The following POU2F1 variants were observed in gnomAD, a reference collection of about 807,000 sequenced individuals.
POU2F1 encodes POU domain, class 2, transcription factor 1.
Under a neutral mutation model 84.9 loss-of-function variants are expected in POU2F1, and 16 were observed. The observed-to-expected ratio is 0.19, with a 90% CI of 0.13 to 0.29. The LOEUF is 0.29. Ranked by LOEUF, POU2F1 falls within the 10% of genes least tolerant of loss-of-function variation. The probability of loss-of-function intolerance (pLI) is 1.00; values close to 1 mark genes in which losing one functional copy is unlikely to be tolerated. For synonymous variants in POU2F1, 368 were observed against 368.3 expected, an observed-to-expected ratio of 1.00 and a Z score of 0.01; for missense variants, 738 against 942.6, an observed-to-expected ratio of 0.78 and a Z score of 2.84.
rs570465581 is a variant in POU2F1, at chr1:167,372,121, T to C, written c.402+85T>C. 11 of 1,494,568 alleles carry C rather than the reference T, an allele frequency of 7.4e-6. No individual in the cohort carries two copies. In the South Asian group the frequency reaches 9.2e-5, roughly 12 times the overall value. 92.6% of individuals were successfully genotyped at this position (1,494,568 alleles called of 1,614,324 possible). On this transcript the variant is annotated intron_variant, in intron 5 of 15. Coordinates refer to ENST00000367866, the MANE Select transcript of POU2F1 (RefSeq NM_002697.4). The stretch of plus-strand genomic sequence containing the variant: ...AATAGCTGATTAGAATTGTTCACCA[T>C]AGCTGGTAGTAACATGGCTATGCCT...
intron 1 of POU2F1, among the ~76,000 whole-genome samples, chr1:167,328,455 C>T (rs1234584407): frequency 6.6e-6 from 1 of 152,146 alleles, no homozygotes; most frequent in Non-Finnish European, 1.5e-5. Flanking sequence ...TCTGCTTCTA[C>T]CTTGCTAATT....
At position 167,423,891 on chromosome 1, in the gene POU2F1, T is replaced by C. The variant is rs4233416; in HGVS notation, c.*8081T>C. 60,817 of 152,152 alleles carry C rather than the reference T, an allele frequency of 0.4. 14,919 individuals carry two copies. The highest frequency in any genetic ancestry group is 0.71 in the East Asian group (3,657 of 5,164). 9.4% of individuals were successfully genotyped at this position (152,152 alleles called of 1,614,324 possible). A position where few individuals can be genotyped will look rare whatever the true frequency, so the allele number is the denominator to read the frequency against. Reference sequence around the variant, plus strand: ...GCAGGCAGACAGCTGGATACAGCGCTGTGTATAAATGAGACGTCCAAACAC... The same window carrying C: ...GCAGGCAGACAGCTGGATACAGCGCCGTGTATAAATGAGACGTCCAAACAC... On this transcript the variant is annotated 3_prime_UTR_variant, in exon 16 of 16. Coordinates refer to ENST00000367866, the MANE Select transcript of POU2F1 (RefSeq NM_002697.4).
intron 2 of POU2F1, among the ~76,000 whole-genome samples, chr1:167,352,696 T>C (rs1658660540): frequency 6.6e-6 from 1 of 152,260 alleles, no homozygotes; most frequent in African/African-American, 2.4e-5. Flanking sequence ...AGCTTTACCA[T>C]TTCCAAAATA....
chr1:167,243,683 C>T (rs979796456), intron 1 of POU2F1, among the ~76,000 whole-genome samples: 8 of 152,122 alleles, frequency 5.3e-5, no homozygotes, highest in Admixed American at 2.6e-4. Flanking sequence ...GCCATGTTGG[C>T]TAGGCTGGTC....
At position 167,358,366 on chromosome 1, in the gene POU2F1, C is replaced by T. The variant is rs116255314; in HGVS notation, c.128-7101C>T. Among the ~76,000 whole-genome samples, 1,513 of 151,864 alleles carry T rather than the reference C, an allele frequency of 1.0e-2. 11 individuals carry two copies. Among genetic ancestry groups the T allele is most frequent in the Non-Finnish European group, 0.015 (996 of 67,964 alleles). On this transcript the variant is annotated intron_variant, in intron 2 of 15. Transcript: ENST00000367866. The stretch of plus-strand genomic sequence containing the variant: ...AACTGGCTTGTATTTATATTTTTCA[C>T]ACTTTATCAGGTTATGGTATCGAGG...
chr1:167,380,709 C>A (rs1241614045), intron 7 of POU2F1: 1 of 152,228 alleles, frequency 6.6e-6, no homozygotes, highest in Non-Finnish European at 1.5e-5. Context: ...ATGTTTCCAG[C>A]ATGAGATTAG....
chr1:167,355,942 A>G (rs1415706271), intron 2 of POU2F1, among the ~76,000 whole-genome samples: 1 of 151,920 alleles, frequency 6.6e-6, no homozygotes, highest in African/African-American at 2.4e-5. Context: ...TACAAAGACA[A>G]TTTTATTATT....
intron 2 of POU2F1, among the ~76,000 whole-genome samples, chr1:167,350,914 C>T (rs535191207): frequency 3.3e-5 from 5 of 152,086 alleles, no homozygotes; most frequent in African/African-American, 1.2e-4. Context: ...AGGAGAATCG[C>T]TTGAACCCGG....
At chr1:167,263,507 A>G (rs960052361) in intron 1 of POU2F1, among the ~76,000 whole-genome samples, 35 of 151,840 alleles carry the variant, frequency 2.3e-4, no homozygotes, top group African/African-American at 8.5e-4. Flanking sequence ...ACAAGAGCGA[A>G]ACTCCGACTC....
At chr1:167,370,128 T>G (rs1243679241) in intron 3 of POU2F1, 33 bp from the exon 4 acceptor site, 2 of 1,578,736 alleles carry the variant, frequency 1.3e-6, no homozygotes, top group South Asian at 2.3e-5. Flanking sequence ...ATGTCAACAG[T>G]ATTAAACTAG....
chr1:167,338,018 A>G lies in POU2F1; in HGVS notation c.127+5483A>G, dbSNP rs1439862940. ...CACTGAAACTAAAGCACATGGTGGA[A>G]GAAGGATTGGTAGCATATAGAAACA... On this transcript the variant is annotated intron_variant, in intron 2 of 15. Coordinates refer to ENST00000367866, the MANE Select transcript of POU2F1 (RefSeq NM_002697.4). 3.7e-5 allele frequency: 15 copies of G among 402,910 alleles called. No individual in the cohort carries two copies. In the East Asian group the frequency reaches 8.4e-4, roughly 23 times the overall value. 25.0% of individuals were successfully genotyped at this position (402,910 alleles called of 1,614,324 possible). A position where few individuals can be genotyped will look rare whatever the true frequency, so the allele number is the denominator to read the frequency against.
intron 2 of POU2F1, among the ~76,000 whole-genome samples, chr1:167,336,984 G>A (rs1657504987): frequency 6.6e-6 from 1 of 152,056 alleles, no homozygotes; most frequent in Non-Finnish European, 1.5e-5. Context: ...TGACCAACAT[G>A]GTGAAACCCC....
intron 2 of POU2F1, among the ~76,000 whole-genome samples, chr1:167,358,302 A>G (rs1377811146): frequency 1.3e-5 from 2 of 151,616 alleles, no homozygotes; most frequent in South Asian, 4.2e-4. Flanking sequence ...TAGGTTTGCT[A>G]TTATTATTTA....
chr1:167,288,602 G>A (rs1019488323), intron 1 of POU2F1, among the ~76,000 whole-genome samples: 2 of 152,116 alleles, frequency 1.3e-5, no homozygotes, highest in African/African-American at 4.8e-5. Flanking sequence ...AGGCAGGAGT[G>A]TTTGTGCCCA....
At chr1:167,246,730 C>T (rs57285762) in intron 1 of POU2F1, among the ~76,000 whole-genome samples, 1 of 152,156 alleles carries the variant, frequency 6.6e-6, no homozygotes, top group East Asian at 1.9e-4. Flanking sequence ...TAAGGAAATT[C>T]CTTAAGTTTG....
intron 1 of POU2F1, among the ~76,000 whole-genome samples, chr1:167,231,320 G>T (rs553559754): frequency 6.6e-6 from 1 of 151,820 alleles, no homozygotes; most frequent in African/African-American, 2.4e-5. Flanking sequence ...TTATCAGTTC[G>T]GCTTTCATCT....
rs547129020 is a variant in POU2F1 at position 167,340,774 on chromosome 1, C to T, written c.127+8239C>T. On this transcript the variant is annotated intron_variant, in intron 2 of 15. Transcript: ENST00000367866. ...TGCGCAAGATAACAGTACTAAGTAA[C>T]ATCAGTGAAGTTGAATAAAAGACTG... 5.9e-5 allele frequency among the ~76,000 whole-genome samples: 9 copies of T among 152,190 alleles called. No individual in the cohort carries two copies. In the South Asian group the frequency reaches 1.9e-3, roughly 32 times the overall value.
chr1:167,325,974 G>T (rs1464612162), intron 1 of POU2F1, among the ~76,000 whole-genome samples: 1 of 151,622 alleles, frequency 6.6e-6, no homozygotes, highest in Non-Finnish European at 1.5e-5. Context: ...ATAAAAAAAG[G>T]CTACATTTTA....
At chr1:167,294,642 T>C (rs1468515675) in intron 1 of POU2F1, among the ~76,000 whole-genome samples, 1 of 152,084 alleles carries the variant, frequency 6.6e-6, no homozygotes, top group Admixed American at 6.6e-5. Context: ...AAATAAGATA[T>C]ACAAGTGGTC....
Sources: gnomAD v4.1 joint callset for allele counts (sites outside exome capture counted in the v4.1 genomes callset) on GRCh38, gnomAD v4.1.1 for gene constraint, MANE v1.5 for transcripts, NCBI Gene and HGNC (gene_info 2026-07-23, HGNC 2026-07-21) for gene names.